Variants in ANKHD1 observed in about 807,000 individuals in gnomAD.
The protein encoded by ANKHD1 is ankyrin repeat and KH domain-containing protein 1.
A neutral mutation model predicts 230.5 loss-of-function variants in ANKHD1; 31 were observed. The observed-to-expected ratio is 0.13, with a 90% confidence interval of 0.10 to 0.18. The LOEUF (loss-of-function observed/expected upper bound fraction) is 0.18, where lower values mean the gene tolerates loss of function less well. Ranked by LOEUF, ANKHD1 falls within the 10% of genes least tolerant of loss-of-function variation. ANKHD1 has a pLI of 1.00. For synonymous variants in ANKHD1, 1,074 were observed against 1,117.6 expected, an observed-to-expected ratio of 0.96 and a Z score of 0.78; for missense variants, 2,256 against 3,071.3, an observed-to-expected ratio of 0.73 and a Z score of 6.27.
intron 6 of ANKHD1, among the ~76,000 whole-genome samples, chr5:140,447,850 G>C (rs2126937697): frequency 6.6e-6 from 1 of 152,204 alleles, no homozygotes; most frequent in East Asian, 1.9e-4. Flanking sequence ...TCCCTTTAAA[G>C]AGTCTTCCTA....
intron 1 of ANKHD1, among the ~76,000 whole-genome samples, chr5:140,426,537 T>C (rs1011758707): frequency 2.0e-5 from 3 of 151,974 alleles, no homozygotes; most frequent in African/African-American, 7.2e-5. Flanking sequence ...TATTTTTTTA[T>C]TGATCATTCT....
chr5:140,445,684 T>A, intron 5 of ANKHD1, 58 bp from the exon 6 acceptor site: 3 of 1,311,762 alleles, frequency 2.3e-6, no homozygotes, highest in Non-Finnish European at 2.0e-6. Context: ...TTTTATTTAT[T>A]TTTATTTTTT....
chr5:140,494,033 G>T (rs1751925301), intron 14 of ANKHD1, among the ~76,000 whole-genome samples: 1 of 152,170 alleles, frequency 6.6e-6, no homozygotes, highest in African/African-American at 2.4e-5. Context: ...ATACAAGGGT[G>T]TTTTGAAACT....
chr5:140,435,646 T>TGCCTCAGCCTTCCAA (rs1414702110), intron 1 of ANKHD1, among the ~76,000 whole-genome samples: 2 of 152,080 alleles, frequency 1.3e-5, no homozygotes, highest in Admixed American at 6.6e-5. Flanking sequence ...TCCAAAGTGC[T>TGCCTCAGCCTTCCAA]AGGATTACAG....
chr5:140,418,230 T>C (rs1771574508), intron 1 of ANKHD1, among the ~76,000 whole-genome samples: 1 of 149,178 alleles, frequency 6.7e-6, no homozygotes, highest in Admixed American at 6.8e-5. Flanking sequence ...CACTGCAGCC[T>C]CAACCTCCCC....
At chr5:140,417,651 T>G (rs1771505277) in intron 1 of ANKHD1, among the ~76,000 whole-genome samples, 2 of 151,864 alleles carry the variant, frequency 1.3e-5, no homozygotes, top group African/African-American at 4.8e-5. Context: ...GGCTTTGCCA[T>G]GTTGCCCAGG....
chr5:140,521,262 C>A (rs1753337745), intron 24 of ANKHD1, among the ~76,000 whole-genome samples: 1 of 152,044 alleles, frequency 6.6e-6, no homozygotes, highest in Non-Finnish European at 1.5e-5. Flanking sequence ...GAAAAGTTTG[C>A]TTACAGTCAT....
At chr5:140,449,072 T>C (rs1774504121) in intron 6 of ANKHD1, 139 bp from the exon 7 acceptor site, 2 of 893,926 alleles carry the variant, frequency 2.2e-6, no homozygotes, top group Admixed American at 2.8e-5. Context: ...TTTGTAAAAC[T>C]GTTACTGATT....
At position 140,528,546 on chromosome 5, in the gene ANKHD1, T is replaced by G. The variant is rs758479682; in HGVS notation, c.5600T>G (p.Ile1867Ser). The change falls in exon 29 of 34, where the codon ATT becomes AGT. Residue 1867 changes from isoleucine (I) to serine (S), a missense_variant. Coordinates refer to ENST00000360839, the MANE Select transcript of ANKHD1 (RefSeq NM_017747.3). ...CTGGCTGCTCAAACTATGCAACAGA[T>G]TCGGCATCCTCGCTTACCCATGGCC... is the stretch of plus-strand genomic sequence containing the variant. ...ALLAAQTMQQIRHPRLPMAQF... is the reference protein window; with the variant it reads ...ALLAAQTMQQSRHPRLPMAQF... The G allele has an allele frequency of 6.2e-7, 1 of 1,614,118 alleles. No homozygotes were observed. Among genetic ancestry groups the G allele is most frequent in the African/African-American group, 1.3e-5 (1 of 74,940 alleles).
chr5:140,488,554 C>T (rs925252819), intron 14 of ANKHD1, among the ~76,000 whole-genome samples: 4 of 150,760 alleles, frequency 2.7e-5, no homozygotes, highest in Non-Finnish European at 5.9e-5. Context: ...CCATTGCATT[C>T]CAGCCTGGGC....
At chr5:140,458,013 G>A (rs1168886538) in intron 7 of ANKHD1, among the ~76,000 whole-genome samples, 1 of 152,110 alleles carries the variant, frequency 6.6e-6, no homozygotes, top group Admixed American at 6.6e-5. Flanking sequence ...TACAATGAAT[G>A]TCTTTATTTT....
intron 10 of ANKHD1, among the ~76,000 whole-genome samples, chr5:140,470,462 A>G (rs1776407739): frequency 6.6e-6 from 1 of 150,940 alleles, no homozygotes; most frequent in Admixed American, 6.6e-5. Context: ...CCTTCAAGAT[A>G]TTTACCATTC....
At chr5:140,457,851 A>C (rs914236252) in intron 7 of ANKHD1, among the ~76,000 whole-genome samples, 1 of 144,788 alleles carries the variant, frequency 6.9e-6, no homozygotes, top group African/African-American at 2.6e-5. Context: ...CTTAAAGTAT[A>C]AAAAAAAAAA....
intron 29 of ANKHD1, among the ~76,000 whole-genome samples, chr5:140,533,197 G>A (rs1753913370): frequency 6.6e-6 from 1 of 152,004 alleles, no homozygotes. Flanking sequence ...CCTGTAATTT[G>A]AGTACTTTGG....
rs373838876 is a variant in ANKHD1, at chr5:140,429,090, A to ATT, written c.307-6996_307-6995dup. Among the ~76,000 whole-genome samples, 438 of 109,554 alleles carry ATT rather than the reference A, an allele frequency of 4.0e-3. 4 individuals carry two copies. Among genetic ancestry groups the ATT allele is most frequent in the African/African-American group, 0.014 (391 of 28,710 alleles). The allele number at this position is 109,554 out of a possible 152,430, so 71.9% of individuals were successfully genotyped here. ...CATAAGCTACCATGCCCGGCCTAGA[A>ATT]TTTTTTTTTTTTTTTTTTTGTGAGA... On this transcript the variant is annotated intron_variant, in intron 1 of 33. Coordinates refer to ENST00000360839, the MANE Select transcript of ANKHD1 (RefSeq NM_017747.3).
chr5:140,501,214 T>G (rs1442067918), intron 15 of ANKHD1, among the ~76,000 whole-genome samples: 3 of 151,384 alleles, frequency 2.0e-5, no homozygotes, highest in Non-Finnish European at 4.4e-5. Flanking sequence ...GTAGCTGGGA[T>G]TACAGGCGCC....
At chr5:140,475,051 C>T (rs1750887704) in intron 10 of ANKHD1, among the ~76,000 whole-genome samples, 1 of 152,112 alleles carries the variant, frequency 6.6e-6, no homozygotes, top group Admixed American at 6.5e-5. Context: ...ATGGAATACA[C>T]AAAACTCCTA....
Position 140,527,399 on chromosome 5 carries a change from T to C in ANKHD1, c.5087+325T>C. 1 of 252,172 alleles carries C rather than the reference T, an allele frequency of 4.0e-6. No homozygotes were observed. Among genetic ancestry groups the C allele is most frequent in the South Asian group, 5.5e-5 (1 of 18,096 alleles). The allele number at this position is 252,172 out of a possible 1,614,324, so 15.6% of individuals were successfully genotyped here. ...TAAAGTACTAATAATCAACTTTAGA[T>C]TCAGAATACATGTCAGCTCATCATT... On this transcript the variant is annotated intron_variant, in intron 27 of 33. Transcript: ENST00000360839. The surrounding 1 kb of genome is among the most constrained non-coding windows in gnomAD (Gnocchi z 4.5).
chr5:140,452,219 T>A (rs547855449), intron 7 of ANKHD1, among the ~76,000 whole-genome samples: 1 of 152,274 alleles, frequency 6.6e-6, no homozygotes, highest in African/African-American at 2.4e-5. Flanking sequence ...ACAAAGCGGC[T>A]AGGAAGCTCA....
Sources: gnomAD v4.1 joint callset for allele counts (sites outside exome capture counted in the v4.1 genomes callset) on GRCh38, gnomAD v4.1.1 for gene constraint, Gnocchi (gnomAD v3.1) non-coding constraint, MANE v1.5 for transcripts, NCBI Gene and HGNC (gene_info 2026-07-23, HGNC 2026-07-21) for gene names.